Variants in SRP54 observed in about 807,000 individuals in gnomAD.
SRP54 encodes signal recognition particle subunit SRP54.
A neutral mutation model predicts 64.8 loss-of-function variants in SRP54; 10 were observed. That is an observed-to-expected ratio of 0.15 (90% confidence interval 0.10 to 0.26). The LOEUF (loss-of-function observed/expected upper bound fraction) is 0.26. Among genes scored for constraint, SRP54 ranks in the 10% least tolerant of loss-of-function variants. SRP54 has a pLI of 1.00. For synonymous variants in SRP54, 193 were observed against 185.6 expected (o/e 1.04, Z -0.32); for missense variants, 325 against 613.7 (o/e 0.53, Z 4.97).
chr14:35,005,373 C>G (rs1271039237), intron 4 of SRP54, among the ~76,000 whole-genome samples: 1 of 149,914 alleles, frequency 6.7e-6, no homozygotes. Context: ...ATGGGCATGA[C>G]TGTATTAGAT....
At chr14:35,002,689 C>T (rs1594990854) in intron 4 of SRP54, among the ~76,000 whole-genome samples, 1 of 150,350 alleles carries the variant, frequency 6.7e-6, no homozygotes, top group South Asian at 2.1e-4. Context: ...CCTGCCTTAG[C>T]CTCCCAAAGT....
At chr14:34,992,453 G>A (rs903646612) in intron 1 of SRP54, among the ~76,000 whole-genome samples, 2 of 152,076 alleles carry the variant, frequency 1.3e-5, no homozygotes, top group Admixed American at 6.6e-5. Context: ...GAATTTACTA[G>A]GCAGCCATAA....
chr14:34,996,430 G>T (rs799498), intron 1 of SRP54, among the ~76,000 whole-genome samples: 114,050 of 152,088 alleles, frequency 0.75, 43,797 homozygotes, highest in Non-Finnish European at 0.84. Flanking sequence ...TCAAAGTATG[G>T]TATTTGACAT....
chr14:35,029,354 G>T lies in SRP54; in HGVS notation c.*202G>T. The T allele has an allele frequency of 1.2e-5, 5 of 416,664 alleles. No individual in the cohort carries two copies. Among genetic ancestry groups the T allele is most frequent in the South Asian group, 4.6e-5 (1 of 21,604 alleles). The allele number at this position is 416,664 out of a possible 1,614,324, so 25.8% of individuals were successfully genotyped here. A position where few individuals can be genotyped will look rare whatever the true frequency, so the allele number is the denominator to read the frequency against. On this transcript the variant is annotated 3_prime_UTR_variant, in exon 16 of 16. Transcript: ENST00000216774. ...CTTTAATATAAGGGAGAAATACATG[G>T]TTTTTGTGGAAATCATTATATGTTT...
intron 5 of SRP54, 24 bp from the exon 6 acceptor site, chr14:35,008,603 A>G (rs779901171): frequency 1.8e-5 from 27 of 1,459,678 alleles, no homozygotes; most frequent in Admixed American, 1.7e-4. Context: ...ATGATATTAT[A>G]TTTTTAAATC....
chr14:34,999,316 A>G (rs1207258748), intron 2 of SRP54, among the ~76,000 whole-genome samples: 3 of 152,050 alleles, frequency 2.0e-5, no homozygotes, highest in African/African-American at 7.2e-5. Context: ...TGCCGGGCCT[A>G]TAATTACTTT....
chr14:35,001,039 T>C lies in SRP54; in HGVS notation c.255+19T>C, dbSNP rs2044161728. 2 of 1,364,986 alleles carry C rather than the reference T, an allele frequency of 1.5e-6. No homozygotes were observed. The allele number at this position is 1,364,986 out of a possible 1,614,324, so 84.6% of individuals were successfully genotyped here. On this transcript the variant is annotated intron_variant, in intron 4 of 15. Transcript: ENST00000216774. ...TGTGAAGGTAAAAGTATATGAAGAT[T>C]ATGCTGTGATTCTATACTCAGTGGA...
intron 14 of SRP54, chr14:35,027,747 C>CTCCA (rs2139033263): frequency 6.4e-6 from 1 of 156,808 alleles, no homozygotes; most frequent in African/African-American, 2.4e-5. Flanking sequence ...CAGAGCAAGA[C>CTCCA]TCCATCTCAA....
At chr14:35,025,970 C>T (rs528209175) in intron 14 of SRP54, among the ~76,000 whole-genome samples, 104 of 151,630 alleles carry the variant, frequency 6.9e-4, no homozygotes, top group African/African-American at 2.4e-3. Flanking sequence ...GCAGGAGGAT[C>T]CCATGAGCCC....
chr14:35,024,147 C>G (rs1476408830), intron 14 of SRP54, among the ~76,000 whole-genome samples: 1 of 152,068 alleles, frequency 6.6e-6, no homozygotes, highest in Non-Finnish European at 1.5e-5. Context: ...CCTGCCTCAG[C>G]CTCCCGAGTA....
intron 11 of SRP54, 47 bp downstream of exon 11, chr14:35,014,877 AT>A (rs200952920): frequency 3.1e-5 from 44 of 1,415,436 alleles, no homozygotes; most frequent in Admixed American, 9.7e-5. Context: ...TCTTCCATTG[AT>A]TTTTTTTATA....
chr14:35,018,502 G>A, intron 11 of SRP54, 190 bp from the exon 12 acceptor site: 1 of 553,320 alleles, frequency 1.8e-6, no homozygotes, highest in Non-Finnish European at 3.2e-6. Flanking sequence ...GATAGGACCT[G>A]TCTTTGTCTA....
chr14:34,987,904 G>A (rs983824551), intron 1 of SRP54, among the ~76,000 whole-genome samples: 2 of 152,052 alleles, frequency 1.3e-5, no homozygotes, highest in Non-Finnish European at 2.9e-5. Context: ...CCTGTTTTTA[G>A]CATTAGCAAG....
intron 14 of SRP54, among the ~76,000 whole-genome samples, chr14:35,024,638 C>T (rs2044591603): frequency 6.7e-6 from 1 of 149,676 alleles, no homozygotes; most frequent in Non-Finnish European, 1.5e-5. Flanking sequence ...TGCTCATAAA[C>T]AGCTTCCCCT....
rs1047765359 is a variant in SRP54 at position 34,996,363 on chromosome 14, C to G, written c.-33-314C>G. 2.0e-5 allele frequency among the ~76,000 whole-genome samples: 3 copies of G among 151,996 alleles called. No individual in the cohort carries two copies. In the East Asian group the frequency reaches 5.8e-4, roughly 29 times the overall value. On this transcript the variant is annotated intron_variant, in intron 1 of 15. Coordinates refer to ENST00000216774, the MANE Select transcript of SRP54 (RefSeq NM_003136.4). ...GTGCATGATACATAATTCAGTTATT[C>G]ATAAGTATTGTGCCAAAAAAAGAAC...
chr14:34,990,735 T>C (rs572499030), intron 1 of SRP54, among the ~76,000 whole-genome samples: 2 of 152,310 alleles, frequency 1.3e-5, no homozygotes, highest in African/African-American at 4.8e-5. Flanking sequence ...TAGAACAAGG[T>C]GAGGTTAATT....
At chr14:34,990,955 C>T (rs915784122) in intron 1 of SRP54, among the ~76,000 whole-genome samples, 11 of 152,012 alleles carry the variant, frequency 7.2e-5, no homozygotes, top group Non-Finnish European at 1.3e-4. Flanking sequence ...CTCGCTTTTT[C>T]CCTAAGGCCT....
chr14:35,013,022 C>T (rs957124921), intron 8 of SRP54, among the ~76,000 whole-genome samples: 2 of 146,006 alleles, frequency 1.4e-5, no homozygotes, highest in African/African-American at 5.0e-5. Context: ...CAGCTGACTG[C>T]AACCTCTGCC....
chr14:34,998,363 A>G (rs117905034), intron 2 of SRP54, among the ~76,000 whole-genome samples: 1,782 of 152,250 alleles, frequency 0.012, 17 homozygotes, highest in Non-Finnish European at 0.018. Flanking sequence ...CCTTTTAACT[A>G]CAGTGCCTTG....
Sources: gnomAD v4.1 joint callset for allele counts (sites outside exome capture counted in the v4.1 genomes callset) on GRCh38, gnomAD v4.1.1 for gene constraint, MANE v1.5 for transcripts, NCBI Gene and HGNC (gene_info 2026-07-23, HGNC 2026-07-21) for gene names.